The following KIAA0319L variants were observed in gnomAD, a reference collection of about 807,000 sequenced individuals.
KIAA0319L encodes dyslexia-associated protein KIAA0319-like protein.
In KIAA0319L, 55 loss-of-function variants were observed where a neutral mutation model predicts 120.1. The observed-to-expected ratio is 0.46, with a 90% CI of 0.37 to 0.57. The LOEUF (loss-of-function observed/expected upper bound fraction) is 0.57. Among genes scored for constraint, KIAA0319L ranks in the 20% least tolerant of loss-of-function variants. The pLI is 0.00. For missense variants in KIAA0319L, 1,049 were observed against 1,255.3 expected (o/e 0.84, Z 2.48); for synonymous variants, 398 against 471.9 (o/e 0.84, Z 2.03).
At chr1:35,531,211 C>T (rs1646353198) in intron 2 of KIAA0319L, among the ~76,000 whole-genome samples, 1 of 152,218 alleles carries the variant, frequency 6.6e-6, no homozygotes, top group Non-Finnish European at 1.5e-5. Flanking sequence ...GACAGTGGCC[C>T]CAGGCAGGCA....
In KIAA0319L at chr1:35,488,439, C is replaced by T. The variant is rs532779333; in HGVS notation, c.667-9227G>A. 5.3e-5 allele frequency among the ~76,000 whole-genome samples: 8 copies of T among 152,082 alleles called. 1 individual carries two copies. The East Asian group carries it at 9.7e-4, about 18-fold the overall frequency. On this transcript the variant is annotated intron_variant, in intron 3 of 20. Coordinates refer to ENST00000325722, the MANE Select transcript of KIAA0319L (RefSeq NM_024874.5). ...GGACTGACTACAGTAGTATCAAAAA[C>T]GAAATAGACTACAGAAGAGCAACTT...
intron 2 of KIAA0319L, among the ~76,000 whole-genome samples, chr1:35,535,422 A>T (rs997666426): frequency 6.6e-6 from 1 of 152,030 alleles, no homozygotes; most frequent in Non-Finnish European, 1.5e-5. Flanking sequence ...TTTGGCCCCC[A>T]CCCCAAAAAT....
intron 2 of KIAA0319L, among the ~76,000 whole-genome samples, chr1:35,552,827 T>A (rs1647354756): frequency 6.6e-6 from 1 of 151,970 alleles, no homozygotes; most frequent in South Asian, 2.1e-4. Flanking sequence ...ATCTCAGCAC[T>A]TTGGGAGGCC....
chr1:35,464,961 T>C (rs1323875667), intron 7 of KIAA0319L, among the ~76,000 whole-genome samples: 1 of 152,182 alleles, frequency 6.6e-6, no homozygotes, highest in Non-Finnish European at 1.5e-5. Flanking sequence ...AATTGAGGTT[T>C]GGGAACTTCC....
intron 11 of KIAA0319L, 83 bp downstream of exon 11, chr1:35,454,279 C>T (rs553514008): frequency 2.0e-6 from 3 of 1,469,696 alleles, no homozygotes; most frequent in South Asian, 1.2e-5. Flanking sequence ...TACCCTCATA[C>T]AGCTCAGAAC....
intron 2 of KIAA0319L, among the ~76,000 whole-genome samples, chr1:35,523,654 T>C (rs148269862): frequency 3.3e-5 from 5 of 152,220 alleles, no homozygotes; most frequent in East Asian, 3.9e-4. Context: ...GCAGAAGTTT[T>C]TGCATGAAAG....
rs1184013458 is a variant in KIAA0319L, at chr1:35,506,656, C to A, written c.622G>T (p.Asp208Tyr). 1.1e-5 allele frequency: 18 copies of A among 1,614,118 alleles called. No homozygotes were observed. The highest frequency in any genetic ancestry group is 1.5e-5 in the Non-Finnish European group (18 of 1,179,984). ...GTCAGACCACCTAATTCGTTGGAGT[C>A]ATTCACTTTAGAATGCTGTGTCACT... ...PIVTQHSKVN[D>Y]SNELGGLTTS... is the part of the protein sequence containing the mutation. The change falls in exon 3 of 21, where the codon GAC becomes TAC. Residue 208 changes from aspartate to tyrosine, a missense_variant. By Grantham distance (160) the Asp-to-Tyr change is radical (BLOSUM62 -3). Transcript: ENST00000325722. The surrounding 1 kb of genome is among the most constrained non-coding windows in gnomAD (Gnocchi z 4.0).
At chr1:35,454,159 G>T in intron 11 of KIAA0319L, 1 of 529,934 alleles carries the variant, frequency 1.9e-6, no homozygotes, top group South Asian at 3.3e-5. Flanking sequence ...CCAAGGGAAG[G>T]GCACAAGCTG....
At chr1:35,537,068 CAAAAAGCACAGGTATTAAA>C (rs2148482817) in intron 2 of KIAA0319L, among the ~76,000 whole-genome samples, 1 of 152,226 alleles carries the variant, frequency 6.6e-6, no homozygotes, top group African/African-American at 2.4e-5. Context: ...CTTTGTACTT[CAAAAAGCACAGGTATTAAA>C]TTATAACAGA....
Position 35,442,933 on chromosome 1 carries a change from G to A in KIAA0319L, c.2752C>T (p.Gln918Ter). ...CAGTTGCTGTCTCCATCCCTCAGCTGCACCTTGATGAAATTCTCCATCCAA... is the reference window on the plus strand; with the variant it reads ...CAGTTGCTGTCTCCATCCCTCAGCTACACCTTGATGAAATTCTCCATCCAA... ...PFWMENFIKVQLRDGDSNCEW... is the reference protein window; with the variant it reads ...PFWMENFIKV The change falls in exon 18 of 21, where the codon CAG becomes TAG. Residue 918 changes from glutamine to a stop codon, truncating the protein, a stop_gained. Coordinates refer to ENST00000325722, the MANE Select transcript of KIAA0319L (RefSeq NM_024874.5). LOFTEE classifies it high-confidence loss of function. The A allele has an allele frequency of 1.2e-6, 2 of 1,614,164 alleles. No homozygotes were observed. The highest frequency in any genetic ancestry group is 1.7e-6 in the Non-Finnish European group (2 of 1,180,010).
intron 2 of KIAA0319L, among the ~76,000 whole-genome samples, chr1:35,515,915 T>G (rs1645660007): frequency 6.6e-6 from 1 of 152,072 alleles, no homozygotes; most frequent in South Asian, 2.1e-4. Flanking sequence ...TAGAAGCTAC[T>G]TGATCACCTC....
intron 2 of KIAA0319L, among the ~76,000 whole-genome samples, chr1:35,534,203 T>A (rs1646479254): frequency 6.6e-6 from 1 of 152,254 alleles, no homozygotes; most frequent in Non-Finnish European, 1.5e-5. Flanking sequence ...TACAGTTTTT[T>A]AAATGTATGG....
chr1:35,448,861 C>T (rs1328008526), intron 15 of KIAA0319L, among the ~76,000 whole-genome samples: 1 of 152,174 alleles, frequency 6.6e-6, no homozygotes, highest in East Asian at 1.9e-4. Flanking sequence ...TCCAGTCAGC[C>T]AAGACACAAG....
At chr1:35,556,247 G>T (rs907450738) in intron 1 of KIAA0319L, among the ~76,000 whole-genome samples, 1 of 152,174 alleles carries the variant, frequency 6.6e-6, no homozygotes, top group Non-Finnish European at 1.5e-5. Context: ...GACAGAGCAG[G>T]GGGTAATGTT....
At chr1:35,443,175 C>A in intron 17 of KIAA0319L, 147 bp from the exon 18 acceptor site, 2 of 857,446 alleles carry the variant, frequency 2.3e-6, no homozygotes, top group South Asian at 3.5e-5. Context: ...ATGGTGCCTG[C>A]CTTTCTCATC....
In KIAA0319L at chr1:35,506,445, C is replaced by T. The variant is rs775088486; in HGVS notation, c.666+167G>A. ...CATGAACATCTCTAGGGTCAAATTACCCTTTGTACATCTGGGCAGCACCAA... is the reference window on the plus strand; with the variant it reads ...CATGAACATCTCTAGGGTCAAATTATCCTTTGTACATCTGGGCAGCACCAA... On this transcript the variant is annotated intron_variant, in intron 3 of 20. Coordinates refer to ENST00000325722, the MANE Select transcript of KIAA0319L (RefSeq NM_024874.5). The surrounding 1 kb of genome is among the most constrained non-coding windows in gnomAD (Gnocchi z 4.0). Among the ~76,000 whole-genome samples, 4 of 152,184 alleles carry T rather than the reference C, an allele frequency of 2.6e-5. No homozygotes were observed. Among genetic ancestry groups the T allele is most frequent in the Non-Finnish European group, 4.4e-5 (3 of 68,040 alleles).
chr1:35,474,922 A>G lies in KIAA0319L; in HGVS notation c.914-16T>C. On this transcript the variant is annotated splice_polypyrimidine_tract_variant and intron_variant, in intron 4 of 20. Coordinates refer to ENST00000325722, the MANE Select transcript of KIAA0319L (RefSeq NM_024874.5). ...TCCTTTATAACTGGAAACAAAGTAA[A>G]TATACCAGAGATAAGAAATAGATCC... The G allele has an allele frequency of 7.4e-7, 1 of 1,356,764 alleles. No individual in the cohort carries two copies. Among genetic ancestry groups the G allele is most frequent in the Non-Finnish European group, 1.1e-6 (1 of 949,428 alleles). 84.0% of individuals were successfully genotyped at this position (1,356,764 alleles called of 1,614,324 possible). A position where few individuals can be genotyped will look rare whatever the true frequency, so the allele number is the denominator to read the frequency against.
Position 35,460,350 on chromosome 1 carries a change from G to A in KIAA0319L, c.1382C>T (p.Ala461Val), listed in dbSNP as rs1441913516. 2 of 1,612,946 alleles carry A rather than the reference G, an allele frequency of 1.2e-6. No individual in the cohort carries two copies. The highest frequency in any genetic ancestry group is 1.7e-5 in the Admixed American group (1 of 60,018). ...GACGAGTTTACTTAGTTTTAATATG[G>A]CTGTATCTTCAGAAATCTTCTCTTC... ...LREEKISEDT[A>V]ILKLSKLVPG... Residue 461 changes from alanine to valine, a missense_variant, in exon 9 of 21, where the codon GCC becomes GTC. Physicochemically the swap from Ala to Val is moderately conservative, Grantham distance 64. Coordinates refer to ENST00000325722, the MANE Select transcript of KIAA0319L (RefSeq NM_024874.5).
intron 3 of KIAA0319L, among the ~76,000 whole-genome samples, chr1:35,484,907 A>C: frequency 6.8e-6 from 1 of 146,412 alleles, no homozygotes; most frequent in African/African-American, 2.5e-5. Context: ...TGCACCCACT[A>C]ATGTGTCATC....
Sources: gnomAD v4.1 joint callset for allele counts (sites outside exome capture counted in the v4.1 genomes callset) on GRCh38, gnomAD v4.1.1 for gene constraint, Gnocchi (gnomAD v3.1) non-coding constraint, MANE v1.5 for transcripts, NCBI Gene and HGNC (gene_info 2026-07-23, HGNC 2026-07-21) for gene names.